NVL: variants seen among roughly 807,000 people sequenced by gnomAD.
NVL encodes the protein nuclear VCP like.
Under a neutral mutation model 110.2 loss-of-function variants are expected in NVL, and 84 were observed. The ratio of observed to expected loss-of-function variants is 0.76; its 90% CI spans 0.64 to 0.91. The LOEUF is 0.91. NVL is among the 40% of genes least tolerant of loss of function. The pLI is 0.00. For synonymous variants in NVL, 354 were observed against 361.1 expected, an observed-to-expected ratio of 0.98 and a Z score of 0.22; for missense variants, 882 against 1,035.9, an observed-to-expected ratio of 0.85 and a Z score of 2.04.
At chr1:224,237,961 CAAAAAAAAAA>C (rs200152434) in intron 19 of NVL, among the ~76,000 whole-genome samples, 17 of 135,746 alleles carry the variant, frequency 1.3e-4, no homozygotes, top group African/African-American at 4.4e-4. Context: ...GACTTGGTTT[CAAAAAAAAAA>C]AAAAAAAAAA....
intron 18 of NVL, among the ~76,000 whole-genome samples, chr1:224,267,686 CAA>C (rs532968583): frequency 1.2e-3 from 62 of 51,540 alleles, no homozygotes; most frequent in Non-Finnish European, 1.8e-3. Flanking sequence ...GATTCTGTCT[CAA>C]AAAAAAAAAA....
chr1:224,236,913 A>T (rs1660550773), intron 19 of NVL, among the ~76,000 whole-genome samples: 1 of 152,208 alleles, frequency 6.6e-6, no homozygotes, highest in Non-Finnish European at 1.5e-5. Flanking sequence ...TGAGTCTCAA[A>T]GATAAAGACC....
At chr1:224,295,203 T>C (rs576779636) in intron 11 of NVL, among the ~76,000 whole-genome samples, 3 of 152,058 alleles carry the variant, frequency 2.0e-5, no homozygotes, top group Non-Finnish European at 4.4e-5. Context: ...TGTTCTTTTT[T>C]TTTTTTTGAG....
chr1:224,256,423 T>TAA (rs34959473), intron 18 of NVL, among the ~76,000 whole-genome samples: 11,301 of 75,132 alleles, frequency 0.15, 1,192 homozygotes, highest in East Asian at 0.4. Context: ...AGGCTCCATC[T>TAA]AAAAAAAAAA....
At chr1:224,316,639 G>C (rs1318625628) in intron 4 of NVL, among the ~76,000 whole-genome samples, 1 of 148,234 alleles carries the variant, frequency 6.7e-6, no homozygotes, top group Non-Finnish European at 1.5e-5. Context: ...CTCCAGCCTG[G>C]GTGACAGAGT....
In NVL at chr1:224,330,094, T is replaced by C; in HGVS notation, c.34A>G (p.Lys12Glu). Reference protein sequence around the residue: ...KPRPAGFVDNKLKQRVIQYLT... With the variant: ...KPRPAGFVDNELKQRVIQYLT... Reference sequence around the variant, plus strand: ...ACCTGGATGACTCGCTGCTTGAGTTTATTATCCACGAACCCTGCAGGTCTG... The same window carrying C: ...ACCTGGATGACTCGCTGCTTGAGTTCATTATCCACGAACCCTGCAGGTCTG... The change falls in exon 1 of 23, where the codon AAA becomes GAA. Residue 12 changes from lysine (K) to glutamate (E), a missense_variant. Lys to Glu is a moderately conservative substitution (Grantham distance 56). Transcript: ENST00000281701. 6.2e-7 allele frequency: 1 copy of C among 1,614,122 alleles called. No individual in the cohort carries two copies. Among genetic ancestry groups the C allele is most frequent in the Non-Finnish European group, 8.5e-7 (1 of 1,180,014 alleles).
chr1:224,291,912 AAAG>A (rs1345560232), intron 12 of NVL, among the ~76,000 whole-genome samples: 32 of 152,208 alleles, frequency 2.1e-4, no homozygotes, highest in African/African-American at 7.7e-4. Flanking sequence ...AGAAACTCCA[AAAG>A]AAGGGAAAGC....
chr1:224,304,280 C>CA (rs1265201714), intron 8 of NVL, among the ~76,000 whole-genome samples: 2 of 151,994 alleles, frequency 1.3e-5, no homozygotes, highest in African/African-American at 2.4e-5. Context: ...CAAAAATTAG[C>CA]TGGGCGTGGT....
chr1:224,249,472 C>T (rs1442689900), intron 19 of NVL, among the ~76,000 whole-genome samples: 8 of 151,264 alleles, frequency 5.3e-5, no homozygotes, highest in African/African-American at 1.7e-4. Flanking sequence ...GGGTCTGGTG[C>T]GGTGGCTCAC....
In NVL at chr1:224,260,699, CTTTTTTT is replaced by C. The variant is rs940200696; in HGVS notation, c.2182+7328_2182+7334del. Reference sequence around the variant, plus strand: ...ATTTGCTTATTTATTTCTTCTTTTCCTTTTTTTTTTTTTTTTTTTTGAGACAGGGTCT... The same window carrying C: ...ATTTGCTTATTTATTTCTTCTTTTCCTTTTTTTTTTTTTGAGACAGGGTCT... On this transcript the variant is annotated intron_variant, in intron 18 of 22. Transcript: ENST00000281701. 3.2e-5 allele frequency among the ~76,000 whole-genome samples: 4 copies of C among 126,336 alleles called. No homozygotes were observed. In the South Asian group the frequency reaches 7.6e-4, roughly 24 times the overall value. The allele number at this position is 126,336 out of a possible 152,430, so 82.9% of individuals were successfully genotyped here.
intron 2 of NVL, among the ~76,000 whole-genome samples, chr1:224,324,728 T>A (rs147335779): frequency 1.1e-3 from 169 of 152,308 alleles, no homozygotes; most frequent in African/African-American, 3.9e-3. Context: ...TCTGGCCTGA[T>A]TTAGATGATA....
At chr1:224,289,358 T>C in intron 13 of NVL, 126 bp downstream of exon 13, 1 of 884,518 alleles carries the variant, frequency 1.1e-6, no homozygotes, top group Non-Finnish European at 1.7e-6. Context: ...AAATGATAAG[T>C]ATTCTATAGA....
intron 15 of NVL, among the ~76,000 whole-genome samples, chr1:224,282,855 T>G (rs1666504989): frequency 6.6e-6 from 1 of 152,228 alleles, no homozygotes; most frequent in Non-Finnish European, 1.5e-5. Context: ...AAAAATTGTA[T>G]TATTTTGTTA....
At position 224,231,234 on chromosome 1, in the gene NVL, A is replaced by G; in HGVS notation, c.2518T>C (p.Ser840Pro). 1 of 1,610,450 alleles carries G rather than the reference A, an allele frequency of 6.2e-7. No individual in the cohort carries two copies. The highest frequency in any genetic ancestry group is 8.5e-7 in the Non-Finnish European group (1 of 1,177,826). The stretch of plus-strand genomic sequence containing the variant: ...TTAATGGCATTGCTTACCTTTTTTG[A>G]TATAGATGATCTTACTTTCTTGAAA... ...EAFKKVRSSISKKDQIMYERL... is the reference protein window; with the variant it reads ...EAFKKVRSSIPKKDQIMYERL... Residue 840 changes from serine (S) to proline (P), a missense_variant, in exon 22 of 23, where the codon TCA (serine) becomes CCA (proline). Ser to Pro is a moderately conservative substitution (Grantham distance 74). This residue lies in a region of NVL where 126 missense variants were observed against 140.7 expected (regional missense o/e 0.90). Transcript: ENST00000281701.
At chr1:224,323,831 T>C (rs6426110) in intron 2 of NVL, among the ~76,000 whole-genome samples, 140,638 of 152,216 alleles carry the variant, frequency 0.92, 65,140 homozygotes, top group Middle Eastern at 0.98. Flanking sequence ...TATTCTAACA[T>C]CTGAAAATCT....
chr1:224,294,326 A>G lies in NVL; in HGVS notation c.1266T>C (p.Arg422=). ...RPDSLDPALR[R]AGRFDREICL... ...ATATTTCTCGGTCGAACCTTCCCGC[A>G]CGTCTCAAAGCAGGGTCTAACGAGT... The change falls in exon 12 of 23, where the codon CGT becomes CGC. Residue 422 remains arginine, a synonymous_variant. Transcript: ENST00000281701. 1.2e-6 allele frequency: 2 copies of G among 1,614,126 alleles called. No individual in the cohort carries two copies. Among genetic ancestry groups the G allele is most frequent in the Non-Finnish European group, 1.7e-6 (2 of 1,180,034 alleles).
intron 18 of NVL, among the ~76,000 whole-genome samples, chr1:224,261,623 A>G (rs1473591256): frequency 6.6e-6 from 1 of 152,102 alleles, no homozygotes; most frequent in Non-Finnish European, 1.5e-5. Flanking sequence ...GCTTATTTCC[A>G]GAAGAAGATG....
chr1:224,251,252 C>T (rs1220590812), intron 18 of NVL, among the ~76,000 whole-genome samples: 6 of 100,662 alleles, frequency 6.0e-5, no homozygotes. Context: ...TCAGCCTGGC[C>T]AACAGAGTGA....
At chr1:224,271,867 A>G (rs565427096) in intron 17 of NVL, among the ~76,000 whole-genome samples, 2 of 151,982 alleles carry the variant, frequency 1.3e-5, no homozygotes, top group Non-Finnish European at 2.9e-5. Context: ...ACAAAAAATT[A>G]GCCAGGCGTG....
Sources: gnomAD v4.1 joint callset for allele counts (sites outside exome capture counted in the v4.1 genomes callset) on GRCh38, gnomAD v4.1.1 for gene constraint, gnomAD v4.1.1 regional missense constraint, MANE v1.5 for transcripts, NCBI Gene and HGNC (gene_info 2026-07-23, HGNC 2026-07-21) for gene names.